The following TBC1D8 variants were observed in gnomAD, a reference collection of about 807,000 sequenced individuals.
The protein encoded by TBC1D8 is TBC1 domain family member 8, also known as BUB2-like protein 1.
TBC1D8 carries 65 observed loss-of-function variants against 118.8 expected under a neutral mutation model. The ratio of observed to expected loss-of-function variants is 0.55; its 90% CI spans 0.45 to 0.67. TBC1D8 has a LOEUF of 0.67. Ranked by LOEUF, TBC1D8 falls within the 30% of genes least tolerant of loss-of-function variation. The pLI is 0.00. For missense variants in TBC1D8, 1,376 were observed against 1,471.2 expected (o/e 0.94, Z 1.06); for synonymous variants, 566 against 595.8 (o/e 0.95, Z 0.73).
At chr2:101,016,298 A>G (rs1306246935) in intron 17 of TBC1D8, among the ~76,000 whole-genome samples, 1 of 152,188 alleles carries the variant, frequency 6.6e-6, no homozygotes, top group African/African-American at 2.4e-5. Context: ...GAAGACATTT[A>G]TGCAGCCAAA....
rs70943064 is a variant in TBC1D8 at position 101,122,383 on chromosome 2, CAAAAAAAAAAA to C, written c.127+28733_127+28743del. ...ACCGCGCCCGGCCAAGACTCCATTT[CAAAAAAAAAAA>C]AAAAAAAAAAAAAAAAAGCATGGAT... On this transcript the variant is annotated intron_variant, in intron 1 of 19. Transcript: ENST00000409318. Among the ~76,000 whole-genome samples the C allele has an allele frequency of 1.3e-3, 93 of 71,942 alleles. 1 individual carries two copies. The highest frequency in any genetic ancestry group is 9.4e-3 in the Middle Eastern group (1 of 106). 47.2% of individuals were successfully genotyped at this position (71,942 alleles called of 152,430 possible).
chr2:101,098,874 G>C (rs986050754), intron 1 of TBC1D8, among the ~76,000 whole-genome samples: 4 of 152,112 alleles, frequency 2.6e-5, no homozygotes, highest in South Asian at 2.1e-4. Context: ...TGTTAAGAGG[G>C]AAATTTATAG....
intron 1 of TBC1D8, among the ~76,000 whole-genome samples, chr2:101,097,557 TA>T (rs79801373): frequency 2.6e-4 from 39 of 148,392 alleles, no homozygotes; most frequent in South Asian, 4.2e-4. Context: ...CTCTGTTATT[TA>T]AAAAAAAAAA....
At chr2:101,017,666 A>T (rs1218721145) in intron 17 of TBC1D8, among the ~76,000 whole-genome samples, 1 of 152,234 alleles carries the variant, frequency 6.6e-6, no homozygotes, top group Non-Finnish European at 1.5e-5. Context: ...TGTATTTCCA[A>T]TTGTACTACA....
At chr2:101,108,905 C>T (rs1332588606) in intron 1 of TBC1D8, among the ~76,000 whole-genome samples, 2 of 152,152 alleles carry the variant, frequency 1.3e-5, no homozygotes, top group African/African-American at 4.8e-5. Flanking sequence ...AACAAATAGG[C>T]CATACCACTA....
intron 3 of TBC1D8, among the ~76,000 whole-genome samples, chr2:101,057,858 C>A (rs1682529785): frequency 6.6e-6 from 1 of 152,282 alleles, no homozygotes; most frequent in Middle Eastern, 3.4e-3. Context: ...CTCTGTTTTT[C>A]TCTTGTTAAT....
chr2:101,102,994 G>A (rs1052928048), intron 1 of TBC1D8, among the ~76,000 whole-genome samples: 6 of 151,978 alleles, frequency 3.9e-5, no homozygotes, highest in Non-Finnish European at 7.4e-5. Flanking sequence ...GGGAACACGC[G>A]AATTCATTCT....
At chr2:101,109,703 G>A in intron 1 of TBC1D8, 1 of 723,216 alleles carries the variant, frequency 1.4e-6, no homozygotes, top group Non-Finnish European at 1.7e-6. Flanking sequence ...AGCAGCTGAG[G>A]CCCTGAGCAC....
Position 101,028,373 on chromosome 2 carries a change from G to C in TBC1D8, c.2282C>G (p.Ala761Gly), listed in dbSNP as rs1410641105. The C allele has an allele frequency of 1.2e-6, 2 of 1,611,862 alleles. No individual in the cohort carries two copies. Among genetic ancestry groups the C allele is most frequent in the East Asian group, 2.2e-5 (1 of 44,846 alleles). Residue 761 changes from alanine to glycine, a missense_variant, in exon 13 of 20, where the codon GCC becomes GGC. Ala to Gly is a moderately conservative substitution (Grantham distance 60). Coordinates refer to ENST00000409318, the MANE Select transcript of TBC1D8 (RefSeq NM_001330348.2). ...GGGCTCCTGGTCGTCGGAGAAAAAG[G>C]CATGGTGGCTGCCAACTGGGGGCCC... ...SPGPPVGSHH[A>G]FFSDDQEPYP... is the part of the protein sequence containing the mutation.
rs1677958795 is a variant in TBC1D8 at position 101,118,678 on chromosome 2, C to A, written c.128-28314G>T. Among the ~76,000 whole-genome samples the A allele has an allele frequency of 2.5e-5, 3 of 119,812 alleles. No individual in the cohort carries two copies. In the South Asian group the frequency reaches 8.4e-4, roughly 34 times the overall value. 78.6% of individuals were successfully genotyped at this position (119,812 alleles called of 152,430 possible). A position where few individuals can be genotyped will look rare whatever the true frequency, so the allele number is the denominator to read the frequency against. On this transcript the variant is annotated intron_variant, in intron 1 of 19. Coordinates refer to ENST00000409318, the MANE Select transcript of TBC1D8 (RefSeq NM_001330348.2). ...CGCCACTGCACTCCAGTCTGGGCGA[C>A]AGAATGAAACTCCATCTCAAAAAAA...
At chr2:101,029,324 G>A (rs1558633665) in intron 12 of TBC1D8, among the ~76,000 whole-genome samples, 167 bp downstream of exon 12, 1 of 152,038 alleles carries the variant, frequency 6.6e-6, no homozygotes, top group Admixed American at 6.6e-5. Context: ...GGGAGGCGGA[G>A]GTTGTAGTGA....
Position 101,037,662 on chromosome 2 carries a change from A to C in TBC1D8, c.1322T>G (p.Phe441Cys). ...HSTSMCSDHRFGDLEMMSSQN... is the reference protein window; with the variant it reads ...HSTSMCSDHRCGDLEMMSSQN... ...AGAAGACATCATTTCAAGATCCCCA[A>C]ATCTGTGGTCACTGCACATGCTTGT... Residue 441 changes from phenylalanine (F) to cysteine (C), a missense_variant, in exon 8 of 20, where the codon TTT (phenylalanine) becomes TGT (cysteine). Phe to Cys is a radical substitution (Grantham distance 205). Transcript: ENST00000409318. 6.2e-7 allele frequency: 1 copy of C among 1,613,834 alleles called. No individual in the cohort carries two copies. The highest frequency in any genetic ancestry group is 8.5e-7 in the Non-Finnish European group (1 of 1,179,880).
At chr2:101,054,666 T>A (rs1226374850) in intron 3 of TBC1D8, among the ~76,000 whole-genome samples, 1 of 43,512 alleles carries the variant, frequency 2.3e-5, no homozygotes, top group African/African-American at 1.6e-4. Flanking sequence ...CATTTTCTTT[T>A]CTTTTCTTTT....
At chr2:101,128,690 G>A (rs1425262199) in intron 1 of TBC1D8, among the ~76,000 whole-genome samples, 1 of 152,190 alleles carries the variant, frequency 6.6e-6, no homozygotes, top group Non-Finnish European at 1.5e-5. Context: ...AAGTAACCCA[G>A]GGGTCCCTCA....
At chr2:101,120,247 C>T (rs2104231417) in intron 1 of TBC1D8, among the ~76,000 whole-genome samples, 1 of 152,314 alleles carries the variant, frequency 6.6e-6, no homozygotes, top group East Asian at 1.9e-4. Context: ...GGCCGCTGCT[C>T]CCAACTCAAA....
rs371075726 is a variant in TBC1D8 at position 101,038,434 on chromosome 2, G to A, written c.1275+27C>T. 8.8e-5 allele frequency: 141 copies of A among 1,603,880 alleles called. 1 individual carries two copies. In the African/African-American group the frequency reaches 1.6e-3, roughly 18 times the overall value. On this transcript the variant is annotated intron_variant, in intron 7 of 19. Transcript: ENST00000409318. ...CCACGGCCTGAGACATGAAGAAGGG[G>A]ATCATCAGGGTCTGGAGGGACCATA...
intron 15 of TBC1D8, among the ~76,000 whole-genome samples, chr2:101,024,520 C>G (rs1049316373): frequency 6.6e-6 from 1 of 150,894 alleles, no homozygotes; most frequent in African/African-American, 2.4e-5. Flanking sequence ...AATTCTCCTG[C>G]CTCAGCCTCC....
intron 2 of TBC1D8, among the ~76,000 whole-genome samples, chr2:101,080,076 C>T (rs369666697): frequency 6.6e-6 from 1 of 152,130 alleles, no homozygotes; most frequent in South Asian, 2.1e-4. Context: ...TATGTCCCTG[C>T]TTTTCAAATA....
At chr2:101,075,495 C>A (rs553926367) in intron 2 of TBC1D8, among the ~76,000 whole-genome samples, 3 of 152,066 alleles carry the variant, frequency 2.0e-5, no homozygotes, top group African/African-American at 7.2e-5. Context: ...ACAATTCCCA[C>A]GTGTCAAGGG....
Sources: allele counts gnomAD v4.1 joint callset (sites outside exome capture counted in the v4.1 genomes callset), GRCh38; gene constraint gnomAD v4.1.1; transcripts MANE v1.5; gene names NCBI Gene and HGNC (gene_info 2026-07-23, HGNC 2026-07-21).